PSMB8: variants seen among roughly 807,000 people sequenced by gnomAD.
PSMB8 encodes the protein proteasome 20S subunit beta 8.
A neutral mutation model predicts 32.3 loss-of-function variants in PSMB8; 20 were observed. The observed-to-expected ratio is 0.62, with a 90% CI of 0.44 to 0.90. The LOEUF (loss-of-function observed/expected upper bound fraction) is 0.90, where lower values mean the gene tolerates loss of function less well. Ranked by LOEUF, PSMB8 falls within the 40% of genes least tolerant of loss-of-function variation. The probability of loss-of-function intolerance (pLI) is 0.00; values close to 1 mark genes in which losing one functional copy is unlikely to be tolerated. For missense variants in PSMB8, 342 were observed against 365.4 expected, an observed-to-expected ratio of 0.94 and a Z score of 0.52; for synonymous variants, 131 against 135.4, an observed-to-expected ratio of 0.97 and a Z score of 0.23.
At chr6:32,843,229 A>G (rs978428699) in intron 1 of PSMB8, 140 bp from the exon 2 acceptor site, 18 of 980,512 alleles carry the variant, frequency 1.8e-5, no homozygotes, top group African/African-American at 4.8e-5. Context: ...TTAATAACCA[A>G]TCTCTAGAAG....
At chr6:32,841,076 G>A in intron 5 of PSMB8, 29 bp from the exon 6 acceptor site, 1 of 1,563,958 alleles carries the variant, frequency 6.4e-7, no homozygotes, top group East Asian at 2.2e-5. Context: ...AGAACATGGA[G>A]TCACCTTTCA....
chr6:32,842,120 T>C lies in PSMB8; in HGVS notation c.537+14A>G. 1 of 1,613,058 alleles carries C rather than the reference T, an allele frequency of 6.2e-7. No homozygotes were observed. Among genetic ancestry groups the C allele is most frequent in the Non-Finnish European group, 8.5e-7 (1 of 1,180,014 alleles). On this transcript the variant is annotated intron_variant, in intron 4 of 5. Transcript: ENST00000374882. ...GAACATGGTGGGGGAACATGAAGAA[T>C]GGAGAGCACCCACCTTCTTATCCCA...
intron 1 of PSMB8, 103 bp downstream of exon 1, chr6:32,843,747 C>G (rs1241550759): frequency 1.4e-6 from 2 of 1,451,070 alleles, no homozygotes; most frequent in African/African-American, 2.8e-5. Flanking sequence ...CTACCCCCGA[C>G]CCTGTACCCC....
At chr6:32,843,292 AT>A (rs955389966) in intron 1 of PSMB8, among the ~76,000 whole-genome samples, 1 of 152,212 alleles carries the variant, frequency 6.6e-6, no homozygotes, top group Non-Finnish European at 1.5e-5. Context: ...AACCTTTTCC[AT>A]TTTCCAGCAC....
At chr6:32,844,221 G>A (rs1024704966), upstream of PSMB8, 9 of 1,602,526 alleles carry the variant, frequency 5.6e-6, no homozygotes, top group African/African-American at 9.4e-5. Flanking sequence ...CGAAGAAAGC[G>A]AGAAAGGAAC....
chr6:32,844,598 CCT>C, upstream of PSMB8: 2 of 649,424 alleles, frequency 3.1e-6, no homozygotes, highest in Non-Finnish European at 5.2e-6. Flanking sequence ...GGTCTCCTAA[CCT>C]GTAGTCACCC....
chr6:32,842,997 G>C lies in PSMB8; in HGVS notation c.240C>G (p.Phe80Leu), dbSNP rs529946385. Residue 80 changes from phenylalanine (F) to leucine (L), a missense_variant, in exon 2 of 6, where the codon TTC becomes TTG. Coordinates refer to ENST00000374882, the MANE Select transcript of PSMB8 (RefSeq NM_148919.4). ...CCACTGCTGCAATCACTCCATGCTGGAACTTGAAGGCGAGCGTGGTGGTGC... is the reference window on the plus strand; with the variant it reads ...CCACTGCTGCAATCACTCCATGCTGCAACTTGAAGGCGAGCGTGGTGGTGC... ...AHGTTTLAFK[F>L]QHGVIAAVDS... The C allele has an allele frequency of 9.1e-5, 146 of 1,613,012 alleles. No homozygotes were observed. Among genetic ancestry groups the C allele is most frequent in the Non-Finnish European group, 1.2e-4 (140 of 1,180,048 alleles).
chr6:32,842,697 C>G lies in PSMB8; in HGVS notation c.382G>C (p.Glu128Gln). 1 of 1,614,164 alleles carries G rather than the reference C, an allele frequency of 6.2e-7. No homozygotes were observed. Among genetic ancestry groups the G allele is most frequent in the Non-Finnish European group, 8.5e-7 (1 of 1,180,030 alleles). Residue 128 changes from glutamate to glutamine, a missense_variant, in exon 3 of 6, where the codon GAG becomes CAG. By Grantham distance (29) the Glu-to-Gln change is conservative. Transcript: ENST00000374882. ...SGCAADCQYW[E>Q]RLLAKECRLY... ...CTGCATTCCTTGGCCAGCAGGCGCTCCCAGTACTGACAGTCTGCTGCACAG... is the reference window on the plus strand; with the variant it reads ...CTGCATTCCTTGGCCAGCAGGCGCTGCCAGTACTGACAGTCTGCTGCACAG...
rs768747265 is a variant in PSMB8 at position 32,841,569 on chromosome 6, G to C, written c.704C>G (p.Ala235Gly). The C allele has an allele frequency of 5.0e-6, 8 of 1,612,790 alleles. No homozygotes were observed. In the African/African-American group the frequency reaches 8.0e-5, roughly 16 times the overall value. Residue 235 changes from alanine (A) to glycine (G), a missense_variant, in exon 5 of 6, where the codon GCC (alanine) becomes GGC (glycine). Physicochemically the swap from Ala to Gly is moderately conservative, Grantham distance 60. Coordinates refer to ENST00000374882, the MANE Select transcript of PSMB8 (RefSeq NM_148919.4). Reference protein sequence around the residue: ...YDLGRRAIAYATHRDSYSGGV... With the variant: ...YDLGRRAIAYGTHRDSYSGGV... ...TCCAGAATAGCTGTCTCTGTGAGTGGCATAAGCAATAGCCCTGCGGCCAAG... is the reference window on the plus strand; with the variant it reads ...TCCAGAATAGCTGTCTCTGTGAGTGCCATAAGCAATAGCCCTGCGGCCAAG...
chr6:32,843,953 G>C lies in PSMB8; in HGVS notation c.44C>G (p.Pro15Arg), dbSNP rs548890880. The C allele has an allele frequency of 6.2e-7, 1 of 1,612,620 alleles. No homozygotes were observed. Among genetic ancestry groups the C allele is most frequent in the Non-Finnish European group, 8.5e-7 (1 of 1,179,898 alleles). Reference protein sequence around the residue: ...DVCGAPRGQRPESALPVAGSG... With the variant: ...DVCGAPRGQRRESALPVAGSG... The stretch of plus-strand genomic sequence containing the variant: ...TCCCGCAACCGGGAGAGCCGATTCC[G>C]GCCGCTGCCCTCGGGGGGCTCCGCA... The change falls in exon 1 of 6, where the codon CCG becomes CGG. Residue 15 changes from proline to arginine, a missense_variant. Pro to Arg is a moderately radical substitution (Grantham distance 103, BLOSUM62 -2). Coordinates refer to ENST00000374882, the MANE Select transcript of PSMB8 (RefSeq NM_148919.4).
Position 32,842,733 on chromosome 6 carries a change from T to C in PSMB8, c.346A>G (p.Thr116Ala). The change falls in exon 3 of 6, where the codon ACC (threonine) becomes GCC (alanine). Residue 116 changes from threonine to alanine, a missense_variant. Coordinates refer to ENST00000374882, the MANE Select transcript of PSMB8 (RefSeq NM_148919.4). ...CAGTCTGCTGCACAGCCAGACATGG[T>C]GCCAAGCAGGTAAGGGTTAATCTCA... ...VIEINPYLLGTMSGCAADCQY... is the reference protein window; with the variant it reads ...VIEINPYLLGAMSGCAADCQY... 6.2e-7 allele frequency: 1 copy of C among 1,614,158 alleles called. No individual in the cohort carries two copies. Among genetic ancestry groups the C allele is most frequent in the Non-Finnish European group, 8.5e-7 (1 of 1,180,002 alleles).
intron 4 of PSMB8, 62 bp from the exon 5 acceptor site, chr6:32,841,797 A>G: frequency 6.9e-7 from 1 of 1,443,228 alleles, no homozygotes; most frequent in Non-Finnish European, 9.7e-7. Flanking sequence ...ATGGGGGTTC[A>G]AATATGAGAC....
Position 32,843,945 on chromosome 6 carries a change from C to G in PSMB8, c.52G>C (p.Ala18Pro). Residue 18 changes from alanine (A) to proline (P), a missense_variant, in exon 1 of 6, where the codon GCT (alanine) becomes CCT (proline). Physicochemically the swap from Ala to Pro is conservative, Grantham distance 27. Coordinates refer to ENST00000374882, the MANE Select transcript of PSMB8 (RefSeq NM_148919.4). ...GAPRGQRPES[A>P]LPVAGSGRRS... ...CGCCCGCTTCCCGCAACCGGGAGAGCCGATTCCGGCCGCTGCCCTCGGGGG... is the reference window on the plus strand; with the variant it reads ...CGCCCGCTTCCCGCAACCGGGAGAGGCGATTCCGGCCGCTGCCCTCGGGGG... 1 of 1,612,622 alleles carries G rather than the reference C, an allele frequency of 6.2e-7. No homozygotes were observed. Among genetic ancestry groups the G allele is most frequent in the Non-Finnish European group, 8.5e-7 (1 of 1,179,898 alleles).
chr6:32,842,029 A>G, intron 4 of PSMB8, 105 bp downstream of exon 4: 5 of 1,562,106 alleles, frequency 3.2e-6, no homozygotes, highest in Non-Finnish European at 3.5e-6. Flanking sequence ...AGCACTCTAT[A>G]TGCCATGCAT....
intron 4 of PSMB8, 103 bp from the exon 5 acceptor site, chr6:32,841,838 C>A: frequency 8.1e-7 from 1 of 1,229,322 alleles, no homozygotes. Flanking sequence ...TTAATATTAC[C>A]ACAAGAACAT....
Position 32,841,639 on chromosome 6 carries a change from C to G in PSMB8, c.634G>C (p.Asp212His). ...SGNTYAYGVM[D>H]SGYRPNLSPE... Reference sequence around the variant, plus strand: ...CTAAGATTAGGCCGATAGCCACTGTCCATGACCCCGTAGGCATAAGTGTTC... The same window carrying G: ...CTAAGATTAGGCCGATAGCCACTGTGCATGACCCCGTAGGCATAAGTGTTC... Residue 212 changes from aspartate (D) to histidine (H), a missense_variant, in exon 5 of 6, where the codon GAC (aspartate) becomes CAC (histidine). Transcript: ENST00000374882. 6.2e-7 allele frequency: 1 copy of G among 1,613,018 alleles called. No homozygotes were observed. The highest frequency in any genetic ancestry group is 1.3e-5 in the African/African-American group (1 of 75,040).
At chr6:32,844,093 C>A (rs1770143658), upstream of PSMB8, 2 of 1,543,304 alleles carry the variant, frequency 1.3e-6, no homozygotes, top group South Asian at 1.2e-5. Flanking sequence ...TTTTCCACAT[C>A]CCCCTGCCTT....
Position 32,841,699 on chromosome 6 carries a change from G to A in PSMB8, c.574C>T (p.Arg192Trp), listed in dbSNP as rs752232985. 25 of 1,612,670 alleles carry A rather than the reference G, an allele frequency of 1.6e-5. No individual in the cohort carries two copies. The highest frequency in any genetic ancestry group is 1.3e-4 in the Admixed American group (8 of 60,006). The change falls in exon 5 of 6, where the codon CGG (arginine) becomes TGG (tryptophan). Residue 192 changes from arginine (R) to tryptophan (W), a missense_variant. Coordinates refer to ENST00000374882, the MANE Select transcript of PSMB8 (RefSeq NM_148919.4). Reference sequence around the variant, plus strand: ...GTGGAGAACATATTTCCTGAGAGCCGAGTCCCATGTTCATCCACGTAGTAG... The same window carrying A: ...GTGGAGAACATATTTCCTGAGAGCCAAGTCCCATGTTCATCCACGTAGTAG... ...GLYYVDEHGT[R>W]LSGNMFSTGS...
chr6:32,843,039 C>A lies in PSMB8; in HGVS notation c.198G>T (p.Gln66His). The A allele has an allele frequency of 6.2e-7, 1 of 1,613,104 alleles. No individual in the cohort carries two copies. The highest frequency in any genetic ancestry group is 2.2e-5 in the East Asian group (1 of 44,890). Reference protein sequence around the residue: ...SLGGDGERNVQIEMAHGTTTL... With the variant: ...SLGGDGERNVHIEMAHGTTTL... ...TGGTGGTGCCATGGGCCATCTCAATCTGAACGTTCCTTTCTCCGTCCCCAC... is the reference window on the plus strand; with the variant it reads ...TGGTGGTGCCATGGGCCATCTCAATATGAACGTTCCTTTCTCCGTCCCCAC... The change falls in exon 2 of 6, where the codon CAG (glutamine) becomes CAT (histidine). Residue 66 changes from glutamine (Q) to histidine (H), a missense_variant. Coordinates refer to ENST00000374882, the MANE Select transcript of PSMB8 (RefSeq NM_148919.4).
Sources: allele counts gnomAD v4.1 joint callset (sites outside exome capture counted in the v4.1 genomes callset), GRCh38; gene constraint gnomAD v4.1.1; transcripts MANE v1.5; gene names NCBI Gene and HGNC (gene_info 2026-07-23, HGNC 2026-07-21).